The following DCDC2 variants were observed in gnomAD, a reference collection of about 807,000 sequenced individuals.
DCDC2 encodes the protein doublecortin domain-containing protein 2.
Under a neutral mutation model 50.2 loss-of-function variants are expected in DCDC2, and 40 were observed. That is an observed-to-expected ratio of 0.80 (90% CI 0.62 to 1.04). The LOEUF (loss-of-function observed/expected upper bound fraction) is 1.04. Ranked by LOEUF, DCDC2 falls within the 50% of genes least tolerant of loss-of-function variation. DCDC2 has a pLI of 0.00. For missense variants in DCDC2, 570 were observed against 581.9 expected (o/e 0.98, Z 0.21); for synonymous variants, 234 against 210.6 (o/e 1.11, Z -0.96).
At position 24,173,149 on chromosome 6, in the gene DCDC2, T is replaced by C. The variant is rs1760822673; in HGVS notation, c.*1581A>G. 6.6e-6 allele frequency: 1 copy of C among 152,008 alleles called. No homozygotes were observed. Among genetic ancestry groups the C allele is most frequent in the African/African-American group, 2.4e-5 (1 of 41,416 alleles). The allele number at this position is 152,008 out of a possible 1,614,324, so 9.4% of individuals were successfully genotyped here. A position where few individuals can be genotyped will look rare whatever the true frequency, so the allele number is the denominator to read the frequency against. ...TTTAGATTTTACACCAGAAACATAG[T>C]ACCCTGTTTCTAATTCATGCTCCCA... On this transcript the variant is annotated 3_prime_UTR_variant, in exon 10 of 10. Coordinates refer to ENST00000378454, the MANE Select transcript of DCDC2 (RefSeq NM_016356.5).
chr6:24,250,095 C>T (rs1581611297), intron 7 of DCDC2, among the ~76,000 whole-genome samples: 1 of 152,160 alleles, frequency 6.6e-6, no homozygotes, highest in Admixed American at 6.5e-5. Context: ...TACCCGGGTC[C>T]CGGCAGCCTC....
At chr6:24,310,726 T>C (rs1424207215) in intron 2 of DCDC2, among the ~76,000 whole-genome samples, 1 of 152,220 alleles carries the variant, frequency 6.6e-6, no homozygotes, top group Non-Finnish European at 1.5e-5. Context: ...TAAAAGTCTG[T>C]CTATACCTAA....
chr6:24,244,910 T>C (rs1355360322), intron 7 of DCDC2, among the ~76,000 whole-genome samples: 1 of 152,166 alleles, frequency 6.6e-6, no homozygotes, highest in African/African-American at 2.4e-5. Flanking sequence ...AAGATTTTTA[T>C]GTGGCTGGAC....
Position 24,178,375 on chromosome 6 carries a change from T to C in DCDC2, c.1281A>G (p.Leu427=). 1 of 1,614,202 alleles carries C rather than the reference T, an allele frequency of 6.2e-7. No homozygotes were observed. Among genetic ancestry groups the C allele is most frequent in the Non-Finnish European group, 8.5e-7 (1 of 1,180,018 alleles). Residue 427 remains leucine, a synonymous_variant, in exon 9 of 10, where the codon CTA becomes CTG. Coordinates refer to ENST00000378454, the MANE Select transcript of DCDC2 (RefSeq NM_016356.5). ...QQVNNELQLV[L]DKERKSQGAG... is the part of the protein sequence containing the mutation. ...CTCCTTGAGACTTTCTTTCCTTGTC[T>C]AGGACCAGTTGAAGCTCATTATTAA...
chr6:24,267,384 T>A (rs1763144861), intron 7 of DCDC2, among the ~76,000 whole-genome samples: 1 of 152,234 alleles, frequency 6.6e-6, no homozygotes, highest in Admixed American at 6.5e-5. Flanking sequence ...TATTATGAAT[T>A]ATATGCCTGT....
At chr6:24,374,464 C>T in the DCDC2 span, among the ~76,000 whole-genome samples, 2 of 149,386 alleles carry the variant, frequency 1.3e-5, no homozygotes, top group African/African-American at 4.9e-5. Flanking sequence ...TCTGTAATCC[C>T]AGCTACTTGG....
rs1005667086 is a variant in DCDC2 at position 24,172,670 on chromosome 6, C to T, written c.*2060G>A. The T allele has an allele frequency of 6.6e-6, 1 of 152,024 alleles. No homozygotes were observed. The highest frequency in any genetic ancestry group is 2.4e-5 in the African/African-American group (1 of 41,374). The allele number at this position is 152,024 out of a possible 1,614,324, so 9.4% of individuals were successfully genotyped here. On this transcript the variant is annotated 3_prime_UTR_variant, in exon 10 of 10. Transcript: ENST00000378454. The stretch of plus-strand genomic sequence containing the variant: ...ACTATTTGAAATCATTAACTCCAGA[C>T]CCAGTAATAGTGCACAAATTTAATA...
chr6:24,257,856 A>C (rs556575051), intron 7 of DCDC2, among the ~76,000 whole-genome samples: 44 of 152,324 alleles, frequency 2.9e-4, no homozygotes, highest in Non-Finnish European at 5.7e-4. Context: ...ATTAAAAATA[A>C]GGAGCTTAAA....
intron 7 of DCDC2, among the ~76,000 whole-genome samples, chr6:24,246,479 CTTTTTTTTTTT>C (rs4052666): frequency 2.8e-5 from 2 of 70,782 alleles, no homozygotes; most frequent in Non-Finnish European, 4.7e-5. Flanking sequence ...TTTTCTTTTT[CTTTTTTTTTTT>C]TTTTTTTTTT....
chr6:24,312,917 C>A (rs1265119888), intron 2 of DCDC2, among the ~76,000 whole-genome samples: 4 of 152,126 alleles, frequency 2.6e-5, no homozygotes, highest in African/African-American at 7.2e-5. Context: ...ATAAGATACC[C>A]ATCATAAGTA....
At chr6:24,292,011 CCTA>C in intron 4 of DCDC2, among the ~76,000 whole-genome samples, 1 of 151,616 alleles carries the variant, frequency 6.6e-6, no homozygotes. Context: ...TTTTGCCGTC[CCTA>C]CTAAGCAAAA....
intron 7 of DCDC2, among the ~76,000 whole-genome samples, chr6:24,267,556 A>AT (rs1212157125): frequency 2.6e-5 from 4 of 152,224 alleles, no homozygotes; most frequent in Non-Finnish European, 4.4e-5. Context: ...AATAATGACC[A>AT]TTTCTCTAGC....
intron 4 of DCDC2, among the ~76,000 whole-genome samples, chr6:24,291,832 G>C (rs1033414997): frequency 9.9e-5 from 15 of 152,164 alleles, no homozygotes; most frequent in Non-Finnish European, 7.3e-5. Flanking sequence ...CATCAGGCTG[G>C]CAAGCTTCTG....
intron 2 of DCDC2, among the ~76,000 whole-genome samples, chr6:24,331,039 T>C (rs1266873505): frequency 6.6e-6 from 1 of 152,138 alleles, no homozygotes; most frequent in Non-Finnish European, 1.5e-5. Flanking sequence ...ATGATAAAGA[T>C]ATATATTTGC....
chr6:24,257,242 T>G (rs1225262746), intron 7 of DCDC2, among the ~76,000 whole-genome samples: 1 of 152,132 alleles, frequency 6.6e-6, no homozygotes, highest in Non-Finnish European at 1.5e-5. Context: ...ATGCCTAACC[T>G]TCAAATAAAA....
chr6:24,355,679 C>T (rs1056539008), intron 1 of DCDC2, among the ~76,000 whole-genome samples: 1 of 152,078 alleles, frequency 6.6e-6, no homozygotes, highest in Non-Finnish European at 1.5e-5. Context: ...TTTCATTTAG[C>T]CCTTTTTTAC....
intron 7 of DCDC2, among the ~76,000 whole-genome samples, chr6:24,230,756 G>GCAAACA (rs1412708345): frequency 6.6e-6 from 1 of 152,184 alleles, no homozygotes; most frequent in East Asian, 1.9e-4. Flanking sequence ...TGAGGTAGAA[G>GCAAACA]CAAACACAGA....
At chr6:24,283,847 G>A (rs753615518) in intron 6 of DCDC2, among the ~76,000 whole-genome samples, 35 of 152,306 alleles carry the variant, frequency 2.3e-4, no homozygotes, top group Non-Finnish European at 4.1e-4. Flanking sequence ...GAGTTTGTGA[G>A]AACCTACCAG....
At chr6:24,362,571 C>CT (rs1460741052), upstream of DCDC2, among the ~76,000 whole-genome samples, 2 of 150,616 alleles carry the variant, frequency 1.3e-5, no homozygotes, top group African/African-American at 4.9e-5. Context: ...TATAAAATTA[C>CT]TTTTTAACAA....
Sources: allele counts gnomAD v4.1 joint callset (sites outside exome capture counted in the v4.1 genomes callset), GRCh38; gene constraint gnomAD v4.1.1; transcripts MANE v1.5; gene names NCBI Gene and HGNC (gene_info 2026-07-23, HGNC 2026-07-21).